DYM: variants seen among roughly 807,000 people sequenced by gnomAD.
The protein encoded by DYM is dymeclin.
A neutral mutation model predicts 93.1 loss-of-function variants in DYM; 78 were observed. That is an observed-to-expected ratio of 0.84 (90% CI 0.70 to 1.01). The LOEUF (loss-of-function observed/expected upper bound fraction) is 1.01. DYM is among the 50% of genes least tolerant of loss of function. The pLI, the probability that DYM is intolerant of heterozygous loss-of-function variation, is 0.00. For synonymous variants in DYM, 321 were observed against 319.7 expected, an observed-to-expected ratio of 1.00 and a Z score of -0.04; for missense variants, 789 against 845.0, an observed-to-expected ratio of 0.93 and a Z score of 0.82.
At chr18:49,395,611 A>T (rs975461978) in intron 2 of DYM, among the ~76,000 whole-genome samples, 1 of 152,108 alleles carries the variant, frequency 6.6e-6, no homozygotes, top group African/African-American at 2.4e-5. Flanking sequence ...CCTAGGCAAC[A>T]AGAGCAAAAC....
intron 5 of DYM, among the ~76,000 whole-genome samples, chr18:49,376,788 G>A (rs1012128984): frequency 5.9e-5 from 9 of 152,182 alleles, no homozygotes; most frequent in Non-Finnish European, 1.2e-4. Flanking sequence ...TGGTAAAATC[G>A]TATTTTCAAA....
intron 17 of DYM, among the ~76,000 whole-genome samples, chr18:49,079,247 CTT>C: frequency 6.6e-6 from 1 of 152,204 alleles, no homozygotes; most frequent in Admixed American, 6.5e-5. Flanking sequence ...ACTTCAAAAT[CTT>C]TGTTGGTTCT....
intron 17 of DYM, among the ~76,000 whole-genome samples, chr18:49,076,100 A>C (rs1489387175): frequency 6.7e-6 from 1 of 149,304 alleles, no homozygotes; most frequent in Non-Finnish European, 1.5e-5. Flanking sequence ...CGGATCAACC[A>C]ACCAACTCAC....
intron 14 of DYM, among the ~76,000 whole-genome samples, chr18:49,185,089 A>G (rs1351566214): frequency 6.6e-6 from 1 of 152,194 alleles, no homozygotes; most frequent in Non-Finnish European, 1.5e-5. Context: ...TATTTCAATA[A>G]AAAGGAACAA....
At chr18:49,286,781 A>G (rs974079053) in intron 8 of DYM, among the ~76,000 whole-genome samples, 165 bp from the exon 9 acceptor site, 1 of 152,226 alleles carries the variant, frequency 6.6e-6, no homozygotes, top group African/African-American at 2.4e-5. Flanking sequence ...CCTTGCTATA[A>G]AAACTGGACA....
intron 2 of DYM, among the ~76,000 whole-genome samples, chr18:49,408,000 G>T (rs965144926): frequency 1.3e-5 from 2 of 151,618 alleles, no homozygotes; most frequent in Middle Eastern, 3.4e-3. Context: ...GAGGCTGAAG[G>T]GGGAGGACTG....
chr18:49,175,078 T>G (rs952190044), intron 14 of DYM, among the ~76,000 whole-genome samples: 11 of 152,214 alleles, frequency 7.2e-5, no homozygotes, highest in Admixed American at 1.3e-4. Flanking sequence ...ATTATTTGTT[T>G]GCTTCAATAT....
intron 14 of DYM, among the ~76,000 whole-genome samples, chr18:49,190,458 A>T (rs979231774): frequency 1.3e-5 from 2 of 152,172 alleles, no homozygotes; most frequent in African/African-American, 4.8e-5. Flanking sequence ...CCAGACTCTC[A>T]ATGCCACAAC....
chr18:49,314,888 T>C (rs1460862788), intron 8 of DYM, among the ~76,000 whole-genome samples: 4 of 152,196 alleles, frequency 2.6e-5, no homozygotes, highest in Non-Finnish European at 4.4e-5. Flanking sequence ...TCTTTTTGTG[T>C]GTTGCAATCA....
In DYM at chr18:49,148,005, C is replaced by A. The variant is rs185316389; in HGVS notation, c.1728+15680G>T. Among the ~76,000 whole-genome samples, 387 of 152,256 alleles carry A rather than the reference C, an allele frequency of 2.5e-3. 8 individuals are homozygous for A. In the East Asian group the frequency reaches 0.04, roughly 16 times the overall value. On this transcript the variant is annotated intron_variant, in intron 15 of 17. Transcript: ENST00000675505. ...TGGCACATATACACCATGGAATACT[C>A]TGCAGCCATAAAAAAGGATGAGTTC...
intron 16 of DYM, among the ~76,000 whole-genome samples, chr18:49,107,927 C>T (rs2081012967): frequency 6.6e-6 from 1 of 152,346 alleles, no homozygotes; most frequent in South Asian, 2.1e-4. Context: ...CTACTCTCTT[C>T]AAAGCTGTCA....
At chr18:49,098,366 G>A (rs1035980336) in intron 16 of DYM, among the ~76,000 whole-genome samples, 8 of 152,036 alleles carry the variant, frequency 5.3e-5, no homozygotes, top group East Asian at 1.9e-4. Context: ...CTTCACAAAC[G>A]TTTTTATGCA....
chr18:49,277,584 C>T lies in DYM; in HGVS notation c.1125+4413G>A, dbSNP rs569343895. 2.0e-5 allele frequency among the ~76,000 whole-genome samples: 3 copies of T among 152,232 alleles called. No homozygotes were observed. The East Asian group carries it at 5.8e-4, about 29-fold the overall frequency. On this transcript the variant is annotated intron_variant, in intron 10 of 17. Transcript: ENST00000675505. ...GGTAACAGGGGTGGAGCCCTCATGACGGGATTAGTACCCTTATAAGAGATA... is the reference window on the plus strand; with the variant it reads ...GGTAACAGGGGTGGAGCCCTCATGATGGGATTAGTACCCTTATAAGAGATA...
chr18:49,056,382 C>A (rs544096374), intron 17 of DYM, among the ~76,000 whole-genome samples: 1 of 152,334 alleles, frequency 6.6e-6, no homozygotes, highest in South Asian at 2.1e-4. Context: ...AGAAATCAAA[C>A]AGGATTTGGC....
intron 14 of DYM, among the ~76,000 whole-genome samples, chr18:49,191,328 A>T (rs1319005425): frequency 1.0e-5 from 1 of 95,586 alleles, no homozygotes; most frequent in Non-Finnish European, 2.7e-5. Context: ...AGTACTAAGT[A>T]AAACCTAAAA....
intron 2 of DYM, among the ~76,000 whole-genome samples, chr18:49,414,281 T>C (rs2072648640): frequency 1.3e-5 from 2 of 152,058 alleles, no homozygotes; most frequent in South Asian, 4.1e-4. Context: ...TACTTTAAAC[T>C]GTACAATTAA....
At chr18:49,254,840 G>T (rs184679620) in intron 13 of DYM, among the ~76,000 whole-genome samples, 4 of 152,254 alleles carry the variant, frequency 2.6e-5, no homozygotes, top group Admixed American at 2.6e-4. Flanking sequence ...CTACAAAGCA[G>T]CACAGAAATC....
chr18:49,103,250 T>G (rs2080383501), intron 16 of DYM, among the ~76,000 whole-genome samples: 2 of 152,202 alleles, frequency 1.3e-5, no homozygotes, highest in South Asian at 2.1e-4. Flanking sequence ...TTCACTCACT[T>G]TTTGGTGGGG....
At chr18:49,362,983 T>C (rs1242987304) in intron 6 of DYM, among the ~76,000 whole-genome samples, 178 bp downstream of exon 6, 2 of 152,280 alleles carry the variant, frequency 1.3e-5, no homozygotes, top group Admixed American at 6.5e-5. Context: ...ATTTTTGTTT[T>C]GACAATGAAT....
Sources: allele counts gnomAD v4.1 joint callset (sites outside exome capture counted in the v4.1 genomes callset), GRCh38; gene constraint gnomAD v4.1.1; transcripts MANE v1.5; gene names NCBI Gene and HGNC (gene_info 2026-07-23, HGNC 2026-07-21).